The following MAPK14 variants were observed in gnomAD, a reference collection of about 807,000 sequenced individuals.
The protein encoded by MAPK14 is mitogen-activated protein kinase 14.
Under a neutral mutation model 49.6 loss-of-function variants are expected in MAPK14, and 16 were observed. That is an observed-to-expected ratio of 0.32 (90% CI 0.22 to 0.49). MAPK14 has a LOEUF of 0.49. Ranked by LOEUF, MAPK14 falls within the 20% of genes least tolerant of loss-of-function variation. The pLI, the probability that MAPK14 is intolerant of heterozygous loss-of-function variation, is 0.99. For synonymous variants in MAPK14, 142 were observed against 158.0 expected, an observed-to-expected ratio of 0.90 and a Z score of 0.76; for missense variants, 200 against 441.2, an observed-to-expected ratio of 0.45 and a Z score of 4.90.
Position 36,052,705 on chromosome 6 carries a change from T to G in MAPK14, c.123T>G (p.Ala41=), listed in dbSNP as rs905297572. Residue 41 remains alanine (A), a synonymous_variant, in exon 2 of 12, where the codon GCT becomes GCG. Coordinates refer to ENST00000229794, the MANE Select transcript of MAPK14 (RefSeq NM_139012.3). ...TTCCCTTTTTTCTCCTTAGTGCTGCTTTTGACACAAAAACGGGGTTACGTG... is the reference window on the plus strand; with the variant it reads ...TTCCCTTTTTTCTCCTTAGTGCTGCGTTTGACACAAAAACGGGGTTACGTG... ...GSGAYGSVCA[A]FDTKTGLRVA... is the part of the protein sequence containing the mutation. The G allele has an allele frequency of 4.4e-6, 7 of 1,606,832 alleles. No individual in the cohort carries two copies. The highest frequency in any genetic ancestry group is 5.9e-6 in the Non-Finnish European group (7 of 1,177,200).
chr6:36,094,302 C>T (rs930871553), intron 8 of MAPK14, among the ~76,000 whole-genome samples: 8 of 152,104 alleles, frequency 5.3e-5, no homozygotes, highest in African/African-American at 9.7e-5. Flanking sequence ...TGGGGTTTGG[C>T]GCACCTTTTC....
At chr6:36,030,706 A>T in intron 1 of MAPK14, among the ~76,000 whole-genome samples, 1 of 141,594 alleles carries the variant, frequency 7.1e-6, no homozygotes, top group East Asian at 2.1e-4. Context: ...AAAAAAAAAG[A>T]TATTCAGTGA....
chr6:36,112,941 TAAG>T (rs1336567055), downstream of MAPK14, among the ~76,000 whole-genome samples: 4 of 152,186 alleles, frequency 2.6e-5, no homozygotes, highest in Non-Finnish European at 5.9e-5. Flanking sequence ...TTCAGGTACT[TAAG>T]AAGCAAAGAG....
the MAPK14 span, among the ~76,000 whole-genome samples, chr6:36,121,458 C>T: frequency 4.1e-4 from 63 of 152,294 alleles, no homozygotes; most frequent in African/African-American, 1.4e-3. Flanking sequence ...AAGCTGGATC[C>T]GGGTGCCCCC....
In MAPK14 at chr6:36,099,368, G is replaced by A. The variant is rs1157354387; in HGVS notation, c.763-3203G>A. Among the ~76,000 whole-genome samples the A allele has an allele frequency of 3.9e-5, 6 of 152,352 alleles. No individual in the cohort carries two copies. The South Asian group carries it at 6.2e-4, about 16-fold the overall frequency. On this transcript the variant is annotated intron_variant, in intron 9 of 11. Coordinates refer to ENST00000229794, the MANE Select transcript of MAPK14 (RefSeq NM_139012.3). ...GAACAGTTAAAAGAGAGAAGTTGTA[G>A]TACAGCTTACATATGTGCCTATACA...
At chr6:36,052,386 C>T (rs1763435603) in intron 1 of MAPK14, among the ~76,000 whole-genome samples, 1 of 152,152 alleles carries the variant, frequency 6.6e-6, no homozygotes, top group Non-Finnish European at 1.5e-5. Context: ...TTTCCTCATA[C>T]AACCACAGAG....
At chr6:36,053,176 A>G (rs1212399374) in intron 2 of MAPK14, among the ~76,000 whole-genome samples, 2 of 148,968 alleles carry the variant, frequency 1.3e-5, no homozygotes, top group East Asian at 2.0e-4. Flanking sequence ...TCCTAAGGCT[A>G]TATTATGAGA....
downstream of MAPK14, among the ~76,000 whole-genome samples, chr6:36,112,148 G>A (rs1016926432): frequency 1.3e-5 from 2 of 152,068 alleles, no homozygotes; most frequent in Non-Finnish European, 2.9e-5. Flanking sequence ...GGAACTTGCA[G>A]TGAGCCAAGA....
Position 36,076,527 on chromosome 6 carries a change from A to AT in MAPK14, c.611-6dup. Reference sequence around the variant, plus strand: ...TTGCATATACTTTTACTTCTTTTTAATTTTGCCAGTTGATATTTGGTCAGT... The same window carrying AT: ...TTGCATATACTTTTACTTCTTTTTAATTTTTGCCAGTTGATATTTGGTCAGT... On this transcript the variant is annotated splice_polypyrimidine_tract_variant and intron_variant, in intron 7 of 11. Transcript: ENST00000229794. 1 of 1,607,708 alleles carries AT rather than the reference A, an allele frequency of 6.2e-7. No individual in the cohort carries two copies. The highest frequency in any genetic ancestry group is 8.5e-7 in the Non-Finnish European group (1 of 1,174,428).
At chr6:36,030,156 G>A (rs1218459720) in intron 1 of MAPK14, among the ~76,000 whole-genome samples, 1 of 152,018 alleles carries the variant, frequency 6.6e-6, no homozygotes, top group African/African-American at 2.4e-5. Context: ...AGAGGGTTTG[G>A]GTGAACTCCA....
chr6:36,059,715 G>A (rs1763732908), intron 3 of MAPK14, among the ~76,000 whole-genome samples: 1 of 152,062 alleles, frequency 6.6e-6, no homozygotes, highest in Admixed American at 6.5e-5. Context: ...ACGGGGTCTT[G>A]TGATATTGCC....
chr6:36,100,398 T>C, intron 9 of MAPK14: 1 of 684,698 alleles, frequency 1.5e-6, no homozygotes, highest in Non-Finnish European at 2.7e-6. Context: ...CTATGTGCTA[T>C]TGCAAGATGT....
At chr6:36,077,796 T>C (rs1764591804) in intron 8 of MAPK14, among the ~76,000 whole-genome samples, 1 of 152,222 alleles carries the variant, frequency 6.6e-6, no homozygotes, top group African/African-American at 2.4e-5. Flanking sequence ...GTGTTTCTCC[T>C]TTGTCCTTTG....
chr6:36,066,850 G>A (rs1056714225), intron 3 of MAPK14, among the ~76,000 whole-genome samples: 25 of 151,952 alleles, frequency 1.6e-4, no homozygotes, highest in Non-Finnish European at 3.5e-4. Context: ...ATACCTAGCC[G>A]AGTTGCTTGG....
intron 1 of MAPK14, among the ~76,000 whole-genome samples, chr6:36,036,485 A>G (rs1762755502): frequency 6.6e-6 from 1 of 152,170 alleles, no homozygotes; most frequent in African/African-American, 2.4e-5. Context: ...AATGCTATCA[A>G]ACACCATTGC....
intron 8 of MAPK14, among the ~76,000 whole-genome samples, chr6:36,082,692 T>C (rs1038974313): frequency 1.3e-5 from 2 of 152,066 alleles, no homozygotes; most frequent in Non-Finnish European, 2.9e-5. Flanking sequence ...AACCAAGCCA[T>C]TCATGAGGGA....
intron 3 of MAPK14, among the ~76,000 whole-genome samples, chr6:36,062,647 TTTTC>T (rs1351181509): frequency 1.4e-5 from 2 of 147,616 alleles, no homozygotes; most frequent in Non-Finnish European, 3.0e-5. Flanking sequence ...AGTTTTTTTT[TTTTC>T]TTTTTCTTTT....
chr6:36,072,689 T>G (rs1350977643), intron 3 of MAPK14, among the ~76,000 whole-genome samples, 184 bp from the exon 4 acceptor site: 1 of 151,994 alleles, frequency 6.6e-6, no homozygotes, highest in African/African-American at 2.4e-5. Context: ...GGCGTGAACC[T>G]GGGAGGCAGA....
intron 8 of MAPK14, among the ~76,000 whole-genome samples, chr6:36,080,741 T>G (rs968227381): frequency 1.3e-5 from 2 of 152,196 alleles, no homozygotes; most frequent in Non-Finnish European, 2.9e-5. Flanking sequence ...ATATGGTAAC[T>G]CTATGTTTAA....
Sources: allele counts gnomAD v4.1 joint callset (sites outside exome capture counted in the v4.1 genomes callset), GRCh38; gene constraint gnomAD v4.1.1; transcripts MANE v1.5; gene names NCBI Gene and HGNC (gene_info 2026-07-23, HGNC 2026-07-21).